TSKS: variants seen among roughly 807,000 people sequenced by gnomAD.
TSKS encodes the protein testis-specific serine kinase substrate.
TSKS carries 27 observed loss-of-function variants against 68.0 expected under a neutral mutation model. The observed-to-expected ratio is 0.40, with a 90% CI of 0.29 to 0.55. The LOEUF (loss-of-function observed/expected upper bound fraction) is 0.55, where lower values mean the gene tolerates loss of function less well. TSKS is among the 20% of genes least tolerant of loss of function. TSKS has a pLI of 0.53. For missense variants in TSKS, 806 were observed against 776.0 expected (o/e 1.04, Z -0.46); for synonymous variants, 331 against 340.4 (o/e 0.97, Z 0.30).
Position 49,745,332 on chromosome 19 carries a change from G to A in TSKS, c.1057C>T (p.Arg353Trp), listed in dbSNP as rs1224368377. 7 of 1,600,600 alleles carry A rather than the reference G, an allele frequency of 4.4e-6. No individual in the cohort carries two copies. Among genetic ancestry groups the A allele is most frequent in the African/African-American group, 2.7e-5 (2 of 74,804 alleles). The change falls in exon 7 of 11, where the codon CGG (arginine) becomes TGG (tryptophan). Residue 353 changes from arginine (R) to tryptophan (W), a missense_variant. Transcript: ENST00000246801. ...QEEGAVQEALRLLGGLGGRVD... is the reference protein window; with the variant it reads ...QEEGAVQEALWLLGGLGGRVD... The stretch of plus-strand genomic sequence containing the variant: ...CTGCCGCCCAGGCCCCCGAGCAGCC[G>A]CAGGGCTTCCTGCACCGCCCCCTCC...
At chr19:49,746,370 C>T (rs370176797) in intron 6 of TSKS, 100 bp downstream of exon 6, 2 of 1,411,704 alleles carry the variant, frequency 1.4e-6, no homozygotes, top group Non-Finnish European at 1.9e-6. Flanking sequence ...TACTTGAGAA[C>T]CCCCGTCCCT....
At chr19:49,747,049 T>C in intron 5 of TSKS, 1 of 1,339,382 alleles carries the variant, frequency 7.5e-7, no homozygotes, top group East Asian at 2.5e-5. Context: ...CCTCCAGGCG[T>C]CAAATACCAG....
chr19:49,740,060 C>G lies in TSKS; in HGVS notation c.1621G>C (p.Glu541Gln). The G allele has an allele frequency of 6.2e-7, 1 of 1,614,174 alleles. No homozygotes were observed. Among genetic ancestry groups the G allele is most frequent in the Non-Finnish European group, 8.5e-7 (1 of 1,180,042 alleles). ...NLLLTDKMKPEEKMATLDHLH... is the reference protein window; with the variant it reads ...NLLLTDKMKPQEKMATLDHLH... ...CATGCCCTCAGCCTCCTTCCTCACTCTGGCTTCATCTTGTCTGTCAGCAGT... is the reference window on the plus strand; with the variant it reads ...CATGCCCTCAGCCTCCTTCCTCACTGTGGCTTCATCTTGTCTGTCAGCAGT... The change falls in exon 10 of 11, where the codon GAG becomes CAG. Residue 541 changes from glutamate (E) to glutamine (Q), a missense_variant and splice_region_variant. By Grantham distance (29) the Glu-to-Gln change is conservative. Coordinates refer to ENST00000246801, the MANE Select transcript of TSKS (RefSeq NM_021733.2).
At chr19:49,745,085 T>C in intron 7 of TSKS, 117 bp downstream of exon 7, 1 of 1,006,056 alleles carries the variant, frequency 9.9e-7, no homozygotes, top group Non-Finnish European at 1.4e-6. Flanking sequence ...TGTCGGTATA[T>C]GTTCCGGAAT....
At chr19:49,755,239 A>G (rs1257849754) in intron 2 of TSKS, among the ~76,000 whole-genome samples, 1 of 152,198 alleles carries the variant, frequency 6.6e-6, no homozygotes, top group Non-Finnish European at 1.5e-5. Context: ...AAACAAAAAG[A>G]ATGAAGAAGA....
intron 2 of TSKS, among the ~76,000 whole-genome samples, chr19:49,752,579 T>C (rs1029522192): frequency 6.6e-6 from 1 of 152,152 alleles, no homozygotes; most frequent in African/African-American, 2.4e-5. Context: ...GAGTATTCCT[T>C]TATAGCAATG....
At chr19:49,756,783 G>A (rs951122722) in intron 2 of TSKS, among the ~76,000 whole-genome samples, 2 of 152,236 alleles carry the variant, frequency 1.3e-5, no homozygotes, top group African/African-American at 4.8e-5. Flanking sequence ...AGGCAGGCTA[G>A]TTGTGGTGGC....
At chr19:49,753,062 G>C (rs1055996328) in intron 2 of TSKS, among the ~76,000 whole-genome samples, 1 of 152,208 alleles carries the variant, frequency 6.6e-6, no homozygotes, top group Non-Finnish European at 1.5e-5. Flanking sequence ...AGAGAACAGA[G>C]ACTTCAGTGG....
chr19:49,761,853 A>G, intron 2 of TSKS, 151 bp downstream of exon 2: 2 of 626,904 alleles, frequency 3.2e-6, no homozygotes, highest in Non-Finnish European at 5.6e-6. Flanking sequence ...TCAGAGAAGG[A>G]GGAGGCAGTT....
chr19:49,761,993 A>T lies in TSKS; in HGVS notation c.399+11T>A. On this transcript the variant is annotated intron_variant, in intron 2 of 10. Coordinates refer to ENST00000246801, the MANE Select transcript of TSKS (RefSeq NM_021733.2). ...CGGTCCTCCCCAGCGGGTGGTGTGG[A>T]GGGCCCTCACCAGGATTTCCGTGAT... The T allele has an allele frequency of 1.9e-6, 3 of 1,602,378 alleles. No individual in the cohort carries two copies. Among genetic ancestry groups the T allele is most frequent in the Non-Finnish European group, 2.6e-6 (3 of 1,170,664 alleles).
At chr19:49,758,118 C>CTCTCTGGGTCTCTGTCCCCCAT (rs2084408519) in intron 2 of TSKS, among the ~76,000 whole-genome samples, 3 of 151,106 alleles carry the variant, frequency 2.0e-5, no homozygotes, top group African/African-American at 7.3e-5. Context: ...CTGTCCCCCA[C>CTCTCTGGGTCTCTGTCCCCCAT]TCTCTGGGTC....
chr19:49,745,237 C>G lies in TSKS; in HGVS notation c.1152G>C (p.Gln384His), dbSNP rs1235780979. ...REQAQTARDL[Q>H]ELRGRADELC... ...GCTCATCCGCCCGACCTCGCAGCTC[C>G]TGCAAGTCCCGCGCCGTCTGTGCCT... The change falls in exon 7 of 11, where the codon CAG (glutamine) becomes CAC (histidine). Residue 384 changes from glutamine (Q) to histidine (H), a missense_variant. Transcript: ENST00000246801. The G allele has an allele frequency of 6.2e-7, 1 of 1,606,944 alleles. No homozygotes were observed.
At chr19:49,760,917 T>C (rs765859021) in intron 2 of TSKS, among the ~76,000 whole-genome samples, 6 of 151,988 alleles carry the variant, frequency 3.9e-5, no homozygotes, top group Non-Finnish European at 7.4e-5. Flanking sequence ...GGAGAAACCC[T>C]GTTTCTACTA....
At chr19:49,758,855 G>A (rs796968023) in intron 2 of TSKS, among the ~76,000 whole-genome samples, 71 of 151,752 alleles carry the variant, frequency 4.7e-4, no homozygotes, top group African/African-American at 1.7e-3. Flanking sequence ...GTCTACCTTA[G>A]TTGTTTCTTT....
chr19:49,741,749 C>G, intron 9 of TSKS, 136 bp downstream of exon 9: 1 of 1,221,606 alleles, frequency 8.2e-7, no homozygotes, highest in Non-Finnish European at 1.2e-6. Flanking sequence ...GCCAAGTCCT[C>G]CCCCAGTGCC....
Position 49,748,370 on chromosome 19 carries a change from A to G in TSKS, c.495+4T>C. 1 of 1,613,514 alleles carries G rather than the reference A, an allele frequency of 6.2e-7. No individual in the cohort carries two copies. Among genetic ancestry groups the G allele is most frequent in the Non-Finnish European group, 8.5e-7 (1 of 1,179,618 alleles). ...CAGGTGTTGGATATAGGGGGTCCTC[A>G]CACCTGCAGAGACTGCACGTGCTGG... On this transcript the variant is annotated splice_donor_region_variant and intron_variant, in intron 3 of 10. Coordinates refer to ENST00000246801, the MANE Select transcript of TSKS (RefSeq NM_021733.2).
Position 49,763,210 on chromosome 19 carries a change from T to G in TSKS, c.38A>C (p.Lys13Thr). The G allele has an allele frequency of 6.5e-7, 1 of 1,549,678 alleles. No individual in the cohort carries two copies. The highest frequency in any genetic ancestry group is 8.7e-7 in the Non-Finnish European group (1 of 1,149,728). ...GGTGTCCCCGGCCTCATGGATCTCT[T>G]TGGACTGCCAGATCGTCTTCACCAC... The part of the protein sequence containing the change: ...SVVVKTIWQS[K>T]EIHEAGDTPT... Residue 13 changes from lysine (K) to threonine (T), a missense_variant, in exon 1 of 11, where the codon AAA (lysine) becomes ACA (threonine). Transcript: ENST00000246801. This position sits in a 1 kb window ranked among gnomAD's most constrained non-coding sequence, Gnocchi z 4.5.
intron 6 of TSKS, 24 bp from the exon 7 acceptor site, chr19:49,745,420 G>C: frequency 6.6e-7 from 1 of 1,505,962 alleles, no homozygotes. Flanking sequence ...GGAGGGGAAT[G>C]GGTAGGGGCT....
rs759878096 is a variant in TSKS, at chr19:49,745,352, C to CCCT, written c.1034_1036dup (p.Glu345dup). ...CAGCCGCAGGGCTTCCTGCACCGCCCCCTCCTCCTGATGCCACCGGGCGGT... is the reference window on the plus strand; with the variant it reads ...CAGCCGCAGGGCTTCCTGCACCGCCCCCTCCTCCTCCTGATGCCACCGGGCGGT... On this transcript the variant is annotated inframe_insertion, in exon 7 of 11. Transcript: ENST00000246801. 1 of 1,594,946 alleles carries CCCT rather than the reference C, an allele frequency of 6.3e-7. No homozygotes were observed.
Sources: allele counts gnomAD v4.1 joint callset (sites outside exome capture counted in the v4.1 genomes callset), GRCh38; gene constraint gnomAD v4.1.1; non-coding constraint Gnocchi (gnomAD v3.1); transcripts MANE v1.5; gene names NCBI Gene and HGNC (gene_info 2026-07-23, HGNC 2026-07-21).